Variants in DSCAM observed in about 807,000 individuals in gnomAD.
The protein encoded by DSCAM is DS cell adhesion molecule.
In DSCAM, 47 loss-of-function variants were observed where a neutral mutation model predicts 217.7. The observed-to-expected ratio is 0.22, with a 90% CI of 0.17 to 0.28. DSCAM has a LOEUF of 0.28. DSCAM is among the 10% of genes least tolerant of loss of function. The pLI, the probability that DSCAM is intolerant of heterozygous loss-of-function variation, is 1.00. For synonymous variants in DSCAM, 1,056 were observed against 1,015.3 expected (o/e 1.04, Z -0.76); for missense variants, 2,080 against 2,618.3 (o/e 0.79, Z 4.49).
chr21:40,578,580 G>A (rs776926144), intron 3 of DSCAM, among the ~76,000 whole-genome samples: 19 of 152,216 alleles, frequency 1.2e-4, no homozygotes, highest in Non-Finnish European at 2.5e-4. Context: ...ACTGGAGCCA[G>A]CAGCAGCACC....
intron 3 of DSCAM, among the ~76,000 whole-genome samples, chr21:40,611,841 G>GGATATT (rs2089319960): frequency 6.6e-6 from 1 of 151,800 alleles, no homozygotes; most frequent in African/African-American, 2.4e-5. Flanking sequence ...TGGATGCTAA[G>GGATATT]ACAGGGAAGC....
chr21:40,372,528 T>TGGAC (rs2074909084), intron 3 of DSCAM, among the ~76,000 whole-genome samples: 1 of 152,260 alleles, frequency 6.6e-6, no homozygotes, highest in African/African-American at 2.4e-5. Flanking sequence ...GTCATCATTT[T>TGGAC]GGACATCGAT....
At chr21:40,378,526 C>T (rs184307319) in intron 3 of DSCAM, among the ~76,000 whole-genome samples, 10 of 146,430 alleles carry the variant, frequency 6.8e-5, no homozygotes, top group Non-Finnish European at 1.0e-4. Context: ...CCCAAATGCA[C>T]GGATGCATAA....
At chr21:40,354,717 C>T (rs903296568) in intron 4 of DSCAM, among the ~76,000 whole-genome samples, 6 of 151,600 alleles carry the variant, frequency 4.0e-5, no homozygotes, top group African/African-American at 1.5e-4. Flanking sequence ...GGTGTGGTGG[C>T]GGGCGCCTGT....
chr21:40,657,741 T>A (rs1464379589), intron 3 of DSCAM, among the ~76,000 whole-genome samples: 1 of 152,198 alleles, frequency 6.6e-6, no homozygotes, highest in Non-Finnish European at 1.5e-5. Context: ...TACAAAGTGA[T>A]ACATTTCTAT....
chr21:40,510,429 A>G (rs1379332282), intron 3 of DSCAM, among the ~76,000 whole-genome samples: 3 of 152,362 alleles, frequency 2.0e-5, no homozygotes, highest in South Asian at 4.1e-4. Flanking sequence ...AAATGTTAGT[A>G]TTGTTGACCA....
intron 3 of DSCAM, among the ~76,000 whole-genome samples, chr21:40,530,665 C>T (rs1346477444): frequency 1.3e-5 from 2 of 152,168 alleles, no homozygotes; most frequent in African/African-American, 4.8e-5. Flanking sequence ...AATCCCAGGA[C>T]ACTTCAGAAT....
intron 29 of DSCAM, among the ~76,000 whole-genome samples, chr21:40,053,623 A>G (rs1458634436): frequency 6.6e-6 from 1 of 152,226 alleles, no homozygotes; most frequent in African/African-American, 2.4e-5. Context: ...CAGAGCCCAG[A>G]GCATTTTGAA....
chr21:40,187,294 A>G (rs1291972069), intron 13 of DSCAM, 35 bp from the exon 14 acceptor site: 1 of 1,611,392 alleles, frequency 6.2e-7, no homozygotes, highest in Non-Finnish European at 8.5e-7. Context: ...GAGTTAGTTC[A>G]AACAGAGCTC....
At chr21:40,344,471 A>C (rs944701953) in intron 6 of DSCAM, among the ~76,000 whole-genome samples, 9 of 152,020 alleles carry the variant, frequency 5.9e-5, no homozygotes, top group African/African-American at 2.2e-4. Context: ...TTATTACTGA[A>C]AATATCTTTA....
chr21:40,100,831 G>A (rs963043593), intron 20 of DSCAM, among the ~76,000 whole-genome samples: 1 of 152,070 alleles, frequency 6.6e-6, no homozygotes, highest in African/African-American at 2.4e-5. Flanking sequence ...ATTTTCTTCA[G>A]GTAGACTTTG....
intron 4 of DSCAM, among the ~76,000 whole-genome samples, chr21:40,362,759 A>G (rs903601884): frequency 6.6e-6 from 1 of 152,200 alleles, no homozygotes; most frequent in Admixed American, 6.5e-5. Context: ...CCTGGTTTCT[A>G]CTATGCAGAC....
At chr21:40,013,801 C>T (rs542271986) in intron 32 of DSCAM, among the ~76,000 whole-genome samples, 5 of 152,168 alleles carry the variant, frequency 3.3e-5, no homozygotes, top group African/African-American at 2.4e-5. Flanking sequence ...GAGCCAGGGA[C>T]GCCAAGCGAA....
intron 4 of DSCAM, among the ~76,000 whole-genome samples, chr21:40,364,543 G>T (rs529256103): frequency 7.4e-6 from 1 of 135,986 alleles, no homozygotes. Context: ...TGGGGGGAGG[G>T]GGGAGGGATA....
intron 4 of DSCAM, among the ~76,000 whole-genome samples, chr21:40,361,433 A>G (rs1483481835): frequency 6.6e-6 from 1 of 152,176 alleles, no homozygotes; most frequent in Non-Finnish European, 1.5e-5. Context: ...ATCCTGGCCA[A>G]CATGGTGAAA....
At chr21:40,282,547 C>A (rs1006069339) in intron 10 of DSCAM, among the ~76,000 whole-genome samples, 4 of 136,104 alleles carry the variant, frequency 2.9e-5, no homozygotes, top group South Asian at 2.3e-4. Flanking sequence ...GCCAAGACAG[C>A]GCCACTGCAG....
chr21:40,156,401 AT>A (rs2090480106), intron 16 of DSCAM, among the ~76,000 whole-genome samples: 1 of 149,462 alleles, frequency 6.7e-6, no homozygotes, highest in Non-Finnish European at 1.5e-5. Context: ...AGCCTTTGTC[AT>A]TTTTGCTAAG....
At chr21:40,299,173 T>C (rs967158166) in intron 9 of DSCAM, among the ~76,000 whole-genome samples, 25 of 152,272 alleles carry the variant, frequency 1.6e-4, no homozygotes, top group Admixed American at 4.6e-4. Flanking sequence ...AAGAGAATAA[T>C]TAATAGCTCA....
intron 3 of DSCAM, among the ~76,000 whole-genome samples, chr21:40,525,945 T>G (rs1416250848): frequency 6.6e-6 from 1 of 152,012 alleles, no homozygotes; most frequent in East Asian, 1.9e-4. Flanking sequence ...TCATTTGAAG[T>G]GTACTGTACC....
Sources: gnomAD v4.1 joint callset for allele counts (sites outside exome capture counted in the v4.1 genomes callset) on GRCh38, gnomAD v4.1.1 for gene constraint, MANE v1.5 for transcripts, NCBI Gene and HGNC (gene_info 2026-07-23, HGNC 2026-07-21) for gene names.